The following ADAMDEC1 variants were observed in gnomAD, a reference collection of about 807,000 sequenced individuals.
ADAMDEC1 encodes the protein ADAM like decysin 1.
Under a neutral mutation model 60.4 loss-of-function variants are expected in ADAMDEC1, and 62 were observed. The observed-to-expected ratio is 1.03, with a 90% CI of 0.84 to 1.27. The LOEUF (loss-of-function observed/expected upper bound fraction) is 1.27, where lower values mean the gene tolerates loss of function less well. ADAMDEC1 is among the 50% of genes most tolerant of loss of function. ADAMDEC1 has a pLI of 0.00. For synonymous variants in ADAMDEC1, 210 were observed against 195.1 expected (o/e 1.08, Z -0.64); for missense variants, 595 against 565.0 (o/e 1.05, Z -0.54).
intron 7 of ADAMDEC1, 127 bp downstream of exon 7, chr8:24,397,872 G>C: frequency 1.3e-6 from 1 of 791,478 alleles, no homozygotes; most frequent in South Asian, 1.8e-5. Flanking sequence ...TGTCTTGGCT[G>C]TTTACATGCC....
chr8:24,390,733 AC>A (rs1817422871), intron 1 of ADAMDEC1, among the ~76,000 whole-genome samples: 1 of 151,864 alleles, frequency 6.6e-6, no homozygotes, highest in African/African-American at 2.4e-5. Context: ...ACAAAACAAA[AC>A]AAAACAAAAC....
chr8:24,398,957 C>T lies in ADAMDEC1; in HGVS notation c.846C>T (p.Ser282=), dbSNP rs2291577. The change falls in exon 9 of 14, where the codon AGC becomes AGT. Residue 282 remains serine (S), a synonymous_variant. Coordinates refer to ENST00000256412, the MANE Select transcript of ADAMDEC1 (RefSeq NM_014479.3). The part of the protein sequence containing the change: ...SDGDKIKVVP[S]ASTTFDNFLR... ...GGGATAAGATAAAGGTGGTGCCCAGCGCAAGCACCACGTTTGACAACTTCC... is the reference window on the plus strand; with the variant it reads ...GGGATAAGATAAAGGTGGTGCCCAGTGCAAGCACCACGTTTGACAACTTCC... The T allele has an allele frequency of 0.41, 665,972 of 1,613,164 alleles. 142,531 individuals carry two copies. Among genetic ancestry groups the T allele is most frequent in the Admixed American group, 0.45 (27,216 of 59,884 alleles).
At chr8:24,394,037 G>C (rs1474718396) in intron 3 of ADAMDEC1, 32 bp from the exon 4 acceptor site, 1 of 1,473,788 alleles carries the variant, frequency 6.8e-7, no homozygotes, top group Admixed American at 1.7e-5. Flanking sequence ...TTACCATCCT[G>C]AGTGGTCCAT....
At chr8:24,395,995 G>C (rs550278641) in intron 5 of ADAMDEC1, among the ~76,000 whole-genome samples, 199 bp downstream of exon 5, 18 of 152,262 alleles carry the variant, frequency 1.2e-4, no homozygotes, top group African/African-American at 3.9e-4. Flanking sequence ...GTCAGGCCTA[G>C]CAATGTAAAA....
chr8:24,386,705 T>A (rs1817301885), intron 1 of ADAMDEC1, among the ~76,000 whole-genome samples: 1 of 152,172 alleles, frequency 6.6e-6, no homozygotes, highest in Admixed American at 6.5e-5. Flanking sequence ...ATGGAATCAT[T>A]CCCATCAGCA....
rs962586523 is a variant in ADAMDEC1 at position 24,397,441 on chromosome 8, A to G, written c.612A>G (p.Ser204=). Residue 204 remains serine (S), a synonymous_variant, in exon 6 of 14, where the codon TCA becomes TCG. Coordinates refer to ENST00000256412, the MANE Select transcript of ADAMDEC1 (RefSeq NM_014479.3). ...GKQGPIRISR[S]LKSPEKEDFL... is the part of the protein sequence containing the mutation. ...AAGGCCCAATTCGAATCTCTAGATC[A>G]CTCAAAAGCCCAGAGGTGAATACAA... is the stretch of plus-strand genomic sequence containing the variant. The G allele has an allele frequency of 6.2e-7, 1 of 1,613,494 alleles. No homozygotes were observed. The highest frequency in any genetic ancestry group is 1.3e-5 in the African/African-American group (1 of 75,002).
At chr8:24,395,922 G>A (rs1256550810) in intron 5 of ADAMDEC1, 126 bp downstream of exon 5, 1 of 684,026 alleles carries the variant, frequency 1.5e-6, no homozygotes, top group Non-Finnish European at 2.5e-6. Flanking sequence ...GAATATATGT[G>A]GTTAAAGTGA....
In ADAMDEC1 at chr8:24,398,537, A is replaced by T; in HGVS notation, c.748A>T (p.Asn250Tyr). The T allele has an allele frequency of 6.2e-7, 1 of 1,602,434 alleles. No homozygotes were observed. Among genetic ancestry groups the T allele is most frequent in the Non-Finnish European group, 8.5e-7 (1 of 1,172,188 alleles). ...AAGAAGCTTTGTGTTTGATGTGATG[A>T]ACCTACTCAATGTGGTAAGACATTA... is the stretch of plus-strand genomic sequence containing the variant. ...LIRSFVFDVM[N>Y]LLNVIYNTID... The change falls in exon 8 of 14, where the codon AAC (asparagine) becomes TAC (tyrosine). Residue 250 changes from asparagine (N) to tyrosine (Y), a missense_variant. Transcript: ENST00000256412.
rs555293774 is a variant in ADAMDEC1 at position 24,405,407 on chromosome 8, C to G, written c.*109C>G. 1,886 of 1,254,490 alleles carry G rather than the reference C, an allele frequency of 1.5e-3. 3 individuals are homozygous for G. The highest frequency in any genetic ancestry group is 2.0e-3 in the Non-Finnish European group (1,784 of 874,040). The allele number at this position is 1,254,490 out of a possible 1,614,324, so 77.7% of individuals were successfully genotyped here. A position where few individuals can be genotyped will look rare whatever the true frequency, so the allele number is the denominator to read the frequency against. On this transcript the variant is annotated 3_prime_UTR_variant, in exon 14 of 14. Transcript: ENST00000256412. ...TCACCCATAATGGTCTTTCACTTGT[C>G]ATTCTACTTTCTATATTGTTATCAG...
intron 7 of ADAMDEC1, among the ~76,000 whole-genome samples, chr8:24,398,265 A>C (rs1402940351): frequency 6.6e-6 from 1 of 152,038 alleles, no homozygotes; most frequent in Admixed American, 6.6e-5. Context: ...GAAGAACACT[A>C]AAATTTTACA....
chr8:24,391,670 A>C (rs1817448277), intron 1 of ADAMDEC1, among the ~76,000 whole-genome samples: 1 of 152,196 alleles, frequency 6.6e-6, no homozygotes, highest in Non-Finnish European at 1.5e-5. Context: ...TGAAATCTAA[A>C]GTCTTGGGGG....
chr8:24,403,048 G>A (rs1282978908), intron 12 of ADAMDEC1, among the ~76,000 whole-genome samples: 1 of 152,096 alleles, frequency 6.6e-6, no homozygotes, highest in Non-Finnish European at 1.5e-5. Context: ...TAAATGGTAT[G>A]TATTTACAGA....
intron 10 of ADAMDEC1, 150 bp from the exon 11 acceptor site, chr8:24,400,020 T>A (rs889427142): frequency 6.7e-6 from 4 of 592,814 alleles, no homozygotes; most frequent in African/African-American, 5.6e-5. Flanking sequence ...CCAACCACTT[T>A]AAATGCTCTT....
intron 1 of ADAMDEC1, among the ~76,000 whole-genome samples, chr8:24,390,529 G>C (rs1817416007): frequency 6.6e-6 from 1 of 152,144 alleles, no homozygotes; most frequent in South Asian, 2.1e-4. Flanking sequence ...AGACCAGCCT[G>C]ACCAACATGG....
intron 2 of ADAMDEC1, 29 bp downstream of exon 2, chr8:24,392,409 G>A: frequency 3.4e-6 from 5 of 1,489,360 alleles, no homozygotes; most frequent in Non-Finnish European, 4.6e-6. Context: ...CGTGGTAGAT[G>A]TTACAATCAT....
At chr8:24,403,880 C>T in intron 12 of ADAMDEC1, 123 bp from the exon 13 acceptor site, 5 of 650,430 alleles carry the variant, frequency 7.7e-6, no homozygotes, top group South Asian at 4.7e-5. Flanking sequence ...TGGAATTTGC[C>T]TATCAGAGTA....
At position 24,384,518 on chromosome 8, in the gene ADAMDEC1, T is replaced by C. The variant is rs141208943; in HGVS notation, c.14T>C (p.Ile5Thr). MLRG[I>T]SQLPAVATMS... ...GACCACAACTTCATGCTGCGTGGGATCTCCCAGCTACCTGCAGTGGCCACC... is the reference window on the plus strand; with the variant it reads ...GACCACAACTTCATGCTGCGTGGGACCTCCCAGCTACCTGCAGTGGCCACC... Residue 5 changes from isoleucine to threonine, a missense_variant, in exon 1 of 14, where the codon ATC (isoleucine) becomes ACC (threonine). Coordinates refer to ENST00000256412, the MANE Select transcript of ADAMDEC1 (RefSeq NM_014479.3). 6.2e-6 allele frequency: 10 copies of C among 1,608,664 alleles called. No homozygotes were observed. Among genetic ancestry groups the C allele is most frequent in the Non-Finnish European group, 8.5e-6 (10 of 1,177,336 alleles).
intron 1 of ADAMDEC1, among the ~76,000 whole-genome samples, chr8:24,386,583 T>C (rs780870381): frequency 5.3e-5 from 8 of 152,168 alleles, no homozygotes; most frequent in Non-Finnish European, 7.4e-5. Flanking sequence ...CTATCTGACC[T>C]ATCTGTGCTG....
chr8:24,398,457 A>C lies in ADAMDEC1; in HGVS notation c.691-23A>C, dbSNP rs762035578. The C allele has an allele frequency of 2.4e-5, 34 of 1,419,736 alleles. No individual in the cohort carries two copies. In the East Asian group the frequency reaches 7.8e-4, roughly 33 times the overall value. The allele number at this position is 1,419,736 out of a possible 1,614,324, so 87.9% of individuals were successfully genotyped here. Reference sequence around the variant, plus strand: ...TCAGTGTAATCTGCTATTTCACTATACTTTGTGTTTTGTATTTTACAGTAT... The same window carrying C: ...TCAGTGTAATCTGCTATTTCACTATCCTTTGTGTTTTGTATTTTACAGTAT... On this transcript the variant is annotated intron_variant, in intron 7 of 13. Transcript: ENST00000256412.
Sources: gnomAD v4.1 joint callset for allele counts (sites outside exome capture counted in the v4.1 genomes callset) on GRCh38, gnomAD v4.1.1 for gene constraint, MANE v1.5 for transcripts, NCBI Gene and HGNC (gene_info 2026-07-23, HGNC 2026-07-21) for gene names.